Variants in ALKBH6 observed in about 807,000 individuals in gnomAD.
The protein encoded by ALKBH6 is alkB homolog 6, nucleotide demethylase.
ALKBH6 carries 20 observed loss-of-function variants against 25.1 expected under a neutral mutation model. That is an observed-to-expected ratio of 0.80 (90% CI 0.56 to 1.16). The LOEUF (loss-of-function observed/expected upper bound fraction) is 1.16. Among genes scored for constraint, ALKBH6 ranks in the 50% most tolerant of loss-of-function variants. The pLI, the probability that ALKBH6 is intolerant of heterozygous loss-of-function variation, is 0.00. For synonymous variants in ALKBH6, 156 were observed against 147.5 expected, an observed-to-expected ratio of 1.06 and a Z score of -0.42; for missense variants, 263 against 326.5, an observed-to-expected ratio of 0.81 and a Z score of 1.50.
chr19:36,010,917 A>C lies in ALKBH6; in HGVS notation c.313T>G (p.Tyr105Asp). 6.2e-7 allele frequency: 1 copy of C among 1,613,984 alleles called. No individual in the cohort carries two copies. Among genetic ancestry groups the C allele is most frequent in the Non-Finnish European group, 8.5e-7 (1 of 1,179,934 alleles). Residue 105 changes from tyrosine to aspartate, a missense_variant, in exon 5 of 7, where the codon TAT becomes GAT. Physicochemically the swap from Tyr to Asp is radical, Grantham distance 160. Coordinates refer to ENST00000378875, the MANE Select transcript of ALKBH6 (RefSeq NM_032878.5). This position sits in a 1 kb window ranked among gnomAD's most constrained non-coding sequence, Gnocchi z 5.5. ...LPANHVLVNQ[Y>D]LPGEGIMPHE... is the part of the protein sequence containing the mutation. Reference sequence around the variant, plus strand: ...ACCATGATGCCCTCCCCAGGCAGATACTGGTTCACGAGGACATGGTTAGCT... The same window carrying C: ...ACCATGATGCCCTCCCCAGGCAGATCCTGGTTCACGAGGACATGGTTAGCT...
rs1349227691 is a variant in ALKBH6, at chr19:36,010,545, G to A, written c.453+22C>T. On this transcript the variant is annotated intron_variant, in intron 6 of 6. Coordinates refer to ENST00000378875, the MANE Select transcript of ALKBH6 (RefSeq NM_032878.5). The surrounding 1 kb of genome is among the most constrained non-coding windows in gnomAD (Gnocchi z 5.5). The stretch of plus-strand genomic sequence containing the variant: ...GAGGTTGAAGTGCCTACAAGCAGCT[G>A]GGGCAGTGTCTGGGGGCCCACCTGT... 2.5e-6 allele frequency: 4 copies of A among 1,599,902 alleles called. No homozygotes were observed. The South Asian group carries it at 4.4e-5, about 18-fold the overall frequency.
chr19:36,011,534 A>C, intron 3 of ALKBH6, 70 bp from the exon 4 acceptor site: 22 of 1,509,736 alleles, frequency 1.5e-5, no homozygotes, highest in East Asian at 2.3e-5. Context: ...CTAGACCAAC[A>C]TAGGGGCCTT....
Position 36,013,623 on chromosome 19 carries a change from A to T in ALKBH6, c.-25-201T>A. 1 of 1,409,440 alleles carries T rather than the reference A, an allele frequency of 7.1e-7. No individual in the cohort carries two copies. Among genetic ancestry groups the T allele is most frequent in the Non-Finnish European group, 9.2e-7 (1 of 1,082,612 alleles). 87.3% of individuals were successfully genotyped at this position (1,409,440 alleles called of 1,614,324 possible). A position where few individuals can be genotyped will look rare whatever the true frequency, so the allele number is the denominator to read the frequency against. ...ATGCCCGGACACAATGAGCCCCAAG[A>T]ATAATCCCCCATTACTCTGTCCACT... On this transcript the variant is annotated intron_variant, in intron 1 of 6. Transcript: ENST00000378875. This position sits in a 1 kb window ranked among gnomAD's most constrained non-coding sequence, Gnocchi z 4.6.
In ALKBH6 at chr19:36,013,952, T is replaced by G; in HGVS notation, c.-26+223A>C. 2.2e-5 allele frequency: 30 copies of G among 1,346,464 alleles called. No individual in the cohort carries two copies. Among genetic ancestry groups the G allele is most frequent in the Admixed American group, 1.2e-4 (3 of 25,816 alleles). The allele number at this position is 1,346,464 out of a possible 1,614,324, so 83.4% of individuals were successfully genotyped here. Reference sequence around the variant, plus strand: ...TCCCCCCATTTGGACGCCCCTCGGATTTCCCCTCCTGAGCGCCCCTTCACT... The same window carrying G: ...TCCCCCCATTTGGACGCCCCTCGGAGTTCCCCTCCTGAGCGCCCCTTCACT... On this transcript the variant is annotated intron_variant, in intron 1 of 6. Transcript: ENST00000378875. This position sits in a 1 kb window ranked among gnomAD's most constrained non-coding sequence, Gnocchi z 4.6.
chr19:36,010,624 G>A lies in ALKBH6; in HGVS notation c.396C>T (p.His132=). ...GCGGCTCGTAGAAGTCCAGCACGGT[G>A]TGGGAGCCCAGGCTGATGGTGCTGA... The part of the protein sequence containing the change: ...PTVSTISLGS[H]TVLDFYEPRR... Residue 132 remains histidine, a synonymous_variant, in exon 6 of 7, where the codon CAC becomes CAT. Transcript: ENST00000378875. This position sits in a 1 kb window ranked among gnomAD's most constrained non-coding sequence, Gnocchi z 5.5. 1 of 1,614,064 alleles carries A rather than the reference G, an allele frequency of 6.2e-7. No homozygotes were observed. Among genetic ancestry groups the A allele is most frequent in the Non-Finnish European group, 8.5e-7 (1 of 1,179,948 alleles).
intron 3 of ALKBH6, 156 bp from the exon 4 acceptor site, chr19:36,011,620 G>A: frequency 1.2e-6 from 1 of 802,974 alleles, no homozygotes; most frequent in Non-Finnish European, 1.9e-6. Flanking sequence ...GGATTTTGTG[G>A]TTTGCCTTTT....
chr19:36,010,621 G>A lies in ALKBH6; in HGVS notation c.399C>T (p.Thr133=), dbSNP rs757045603. 13 of 1,613,924 alleles carry A rather than the reference G, an allele frequency of 8.1e-6. No individual in the cohort carries two copies. Among genetic ancestry groups the A allele is most frequent in the African/African-American group, 6.7e-5 (5 of 74,906 alleles). Residue 133 remains threonine, a synonymous_variant, in exon 6 of 7, where the codon ACC becomes ACT. Coordinates refer to ENST00000378875, the MANE Select transcript of ALKBH6 (RefSeq NM_032878.5). The surrounding 1 kb of genome is among the most constrained non-coding windows in gnomAD (Gnocchi z 5.5). ...GCCGCGGCTCGTAGAAGTCCAGCAC[G>A]GTGTGGGAGCCCAGGCTGATGGTGC... ...TVSTISLGSH[T]VLDFYEPRRP...
rs1968558278 is a variant in ALKBH6 at position 36,010,265 on chromosome 19, G to A, written c.453+302C>T. ...GATAGAGCATCTGGGAGGAGGTGAG[G>A]CCCCCCGAGTTAATGGCGGTGGGGT... On this transcript the variant is annotated intron_variant, in intron 6 of 6. Coordinates refer to ENST00000378875, the MANE Select transcript of ALKBH6 (RefSeq NM_032878.5). This position sits in a 1 kb window ranked among gnomAD's most constrained non-coding sequence, Gnocchi z 5.5. The A allele has an allele frequency of 2.8e-6, 1 of 352,038 alleles. No homozygotes were observed. Among genetic ancestry groups the A allele is most frequent in the Non-Finnish European group, 5.3e-6 (1 of 189,646 alleles). 21.8% of individuals were successfully genotyped at this position (352,038 alleles called of 1,614,324 possible). A position where few individuals can be genotyped will look rare whatever the true frequency, so the allele number is the denominator to read the frequency against.
chr19:36,013,602 C>G lies in ALKBH6; in HGVS notation c.-25-180G>C. 1 of 1,421,410 alleles carries G rather than the reference C, an allele frequency of 7.0e-7. No homozygotes were observed. The highest frequency in any genetic ancestry group is 1.5e-5 in the South Asian group (1 of 67,274). 88.0% of individuals were successfully genotyped at this position (1,421,410 alleles called of 1,614,324 possible). A position where few individuals can be genotyped will look rare whatever the true frequency, so the allele number is the denominator to read the frequency against. On this transcript the variant is annotated intron_variant, in intron 1 of 6. Coordinates refer to ENST00000378875, the MANE Select transcript of ALKBH6 (RefSeq NM_032878.5). This position sits in a 1 kb window ranked among gnomAD's most constrained non-coding sequence, Gnocchi z 4.6. ...CACAGAGAGCCCCTACGTTCCATGC[C>G]CGGACACAATGAGCCCCAAGAATAA...
At chr19:36,011,227 AC>A in intron 4 of ALKBH6, 176 bp downstream of exon 4, 1 of 1,120,144 alleles carries the variant, frequency 8.9e-7, no homozygotes, top group Non-Finnish European at 1.3e-6. Context: ...GATACTCCCA[AC>A]TCATCAGGAA....
At chr19:36,012,965 A>G (rs769560694) in intron 3 of ALKBH6, 56 bp downstream of exon 3, 2 of 1,526,560 alleles carry the variant, frequency 1.3e-6, no homozygotes, top group African/African-American at 1.4e-5. Flanking sequence ...GAGGATGGAC[A>G]TTGGGGAGGA....
chr19:36,009,608 G>GCGC, intron 6 of ALKBH6, 55 bp from the exon 7 acceptor site: 1 of 336,932 alleles, frequency 3.0e-6, no homozygotes, highest in Non-Finnish European at 4.5e-6. Context: ...GTGGGGGTGG[G>GCGC]CGAGAGGTCG....
At position 36,009,213 on chromosome 19, in the gene ALKBH6, C is replaced by T. The variant is rs868687427; in HGVS notation, c.*77G>A. ...AACCCAGGGGAGCCCCCTTTGCCCA[C>T]GGTTCCTAGGTCGCGGAGTCACAGC... On this transcript the variant is annotated 3_prime_UTR_variant, in exon 7 of 7. Transcript: ENST00000378875. 804 of 1,242,306 alleles carry T rather than the reference C, an allele frequency of 6.5e-4. 3 individuals are homozygous for T. In the Middle Eastern group the frequency reaches 0.014, roughly 21 times the overall value. 77.0% of individuals were successfully genotyped at this position (1,242,306 alleles called of 1,614,324 possible). A position where few individuals can be genotyped will look rare whatever the true frequency, so the allele number is the denominator to read the frequency against.
At position 36,009,551 on chromosome 19, in the gene ALKBH6, A is replaced by C. The variant is rs1228538896; in HGVS notation, c.456T>G (p.Pro152=). ...RPEDDDPTEQ[P]RPPPRPTTSL... Reference sequence around the variant, plus strand: ...AGGTGGTGGGCCGGGGCGGAGGCCGAGGCTGCAGGGCGGGTTGAGGGTCAG... The same window carrying C: ...AGGTGGTGGGCCGGGGCGGAGGCCGCGGCTGCAGGGCGGGTTGAGGGTCAG... Residue 152 remains proline, a splice_region_variant and synonymous_variant, in exon 7 of 7, where the codon CCT becomes CCG. Coordinates refer to ENST00000378875, the MANE Select transcript of ALKBH6 (RefSeq NM_032878.5). 5 of 918,808 alleles carry C rather than the reference A, an allele frequency of 5.4e-6. No individual in the cohort carries two copies. Among genetic ancestry groups the C allele is most frequent in the African/African-American group, 3.1e-5 (1 of 32,706 alleles). The allele number at this position is 918,808 out of a possible 1,614,324, so 56.9% of individuals were successfully genotyped here. A position where few individuals can be genotyped will look rare whatever the true frequency, so the allele number is the denominator to read the frequency against.
chr19:36,011,107 C>T, intron 4 of ALKBH6, 62 bp from the exon 5 acceptor site: 2 of 1,542,748 alleles, frequency 1.3e-6, no homozygotes, highest in Non-Finnish European at 1.8e-6. Context: ...ATTAGGGATT[C>T]CACAGTGGCT....
chr19:36,010,414 C>T lies in ALKBH6; in HGVS notation c.453+153G>A. On this transcript the variant is annotated intron_variant, in intron 6 of 6. Transcript: ENST00000378875. The surrounding 1 kb of genome is among the most constrained non-coding windows in gnomAD (Gnocchi z 5.5). ...CCCTGTAAGCAGATGGGTTGGGTGT[C>T]TGGGAGGAAGTGGGTACACCCCATG... The T allele has an allele frequency of 2.9e-6, 2 of 701,634 alleles. No homozygotes were observed. Among genetic ancestry groups the T allele is most frequent in the Non-Finnish European group, 5.0e-6 (2 of 400,836 alleles). 43.5% of individuals were successfully genotyped at this position (701,634 alleles called of 1,614,324 possible).
chr19:36,009,481 CG>C lies in ALKBH6; in HGVS notation c.525del (p.Ala176ProfsTer14). 1.6e-6 allele frequency: 2 copies of C among 1,237,038 alleles called. No homozygotes were observed. Among genetic ancestry groups the C allele is most frequent in the Admixed American group, 4.1e-5 (1 of 24,202 alleles). The allele number at this position is 1,237,038 out of a possible 1,614,324, so 76.6% of individuals were successfully genotyped here. A position where few individuals can be genotyped will look rare whatever the true frequency, so the allele number is the denominator to read the frequency against. ...EPRSLLVLRG[P>X]AYTRLLHGIA... ...ATGCCGTGGAGAAGACGCGTGTAGG[CG>C]GGGCCGCGGAGCACCAGCAGGCTGC... On this transcript the variant is annotated frameshift_variant, in exon 7 of 7. Coordinates refer to ENST00000378875, the MANE Select transcript of ALKBH6 (RefSeq NM_032878.5). LOFTEE classifies it high-confidence loss of function.
chr19:36,009,413 C>T lies in ALKBH6; in HGVS notation c.594G>A (p.Pro198=). ...CCGACGGGCAGGCTGCCGCATTGGGCGGCGAGGAGGCGGCGTCCAGCGCGT... is the reference window on the plus strand; with the variant it reads ...CCGACGGGCAGGCTGCCGCATTGGGTGGCGAGGAGGCGGCGTCCAGCGCGT... ...RVDALDAASS[P]PNAAACPSAR... The change falls in exon 7 of 7, where the codon CCG becomes CCA. Residue 198 remains proline (P), a synonymous_variant. Transcript: ENST00000378875. The T allele has an allele frequency of 4.0e-6, 5 of 1,248,578 alleles. No individual in the cohort carries two copies. Among genetic ancestry groups the T allele is most frequent in the Non-Finnish European group, 5.0e-6 (5 of 998,062 alleles). The allele number at this position is 1,248,578 out of a possible 1,614,324, so 77.3% of individuals were successfully genotyped here.
rs1208334179 is a variant in ALKBH6 at position 36,010,014 on chromosome 19, C to T, written c.454-461G>A. 6.6e-6 allele frequency among the ~76,000 whole-genome samples: 1 copy of T among 152,078 alleles called. No individual in the cohort carries two copies. The highest frequency in any genetic ancestry group is 1.5e-5 in the Non-Finnish European group (1 of 68,004). On this transcript the variant is annotated intron_variant, in intron 6 of 6. Coordinates refer to ENST00000378875, the MANE Select transcript of ALKBH6 (RefSeq NM_032878.5). The surrounding 1 kb of genome is among the most constrained non-coding windows in gnomAD (Gnocchi z 5.5). ...GGACATCAGGACATTAGAGGACAAC[C>T]GCACAGCTGAGGGAGTGTCAGAGCA...
Sources: allele counts gnomAD v4.1 joint callset (sites outside exome capture counted in the v4.1 genomes callset), GRCh38; gene constraint gnomAD v4.1.1; non-coding constraint Gnocchi (gnomAD v3.1); transcripts MANE v1.5; gene names NCBI Gene and HGNC (gene_info 2026-07-23, HGNC 2026-07-21).